The following ADCY9 variants were observed in gnomAD, a reference collection of about 807,000 sequenced individuals.
The protein encoded by ADCY9 is adenylate cyclase 9.
ADCY9 carries 50 observed loss-of-function variants against 101.5 expected under a neutral mutation model. That is an observed-to-expected ratio of 0.49 (90% CI 0.39 to 0.62). ADCY9 has a LOEUF of 0.62. Ranked by LOEUF, ADCY9 falls within the 20% of genes least tolerant of loss-of-function variation. The pLI, the probability that ADCY9 is intolerant of heterozygous loss-of-function variation, is 0.00. For synonymous variants in ADCY9, 905 were observed against 769.3 expected (o/e 1.18, Z -2.92); for missense variants, 1,662 against 1,800.4 (o/e 0.92, Z 1.39).
At chr16:4,100,755 A>AAG (rs2057037800) in intron 2 of ADCY9, among the ~76,000 whole-genome samples, 1 of 151,530 alleles carries the variant, frequency 6.6e-6, no homozygotes, top group Non-Finnish European at 1.5e-5. Context: ...AAAAAAAAAA[A>AAG]AAAGAAAAGA....
At chr16:3,994,363 T>C (rs558302083) in intron 3 of ADCY9, among the ~76,000 whole-genome samples, 1 of 152,300 alleles carries the variant, frequency 6.6e-6, no homozygotes, top group South Asian at 2.1e-4. Context: ...CTCTTTGGGA[T>C]GATAAAAATG....
chr16:4,023,388 G>A lies in ADCY9; in HGVS notation c.1694-15830C>T, dbSNP rs142052494. Among the ~76,000 whole-genome samples, 18 of 152,332 alleles carry A rather than the reference G, an allele frequency of 1.2e-4. No homozygotes were observed. The East Asian group carries it at 3.5e-3, about 29-fold the overall frequency. ...ATGCGGTTTGGACAGAGTCAGGGAC[G>A]TCCTTTCTGAAGAAATGAGACTGAA... On this transcript the variant is annotated intron_variant, in intron 2 of 10. Coordinates refer to ENST00000294016, the MANE Select transcript of ADCY9 (RefSeq NM_001116.4).
chr16:4,018,735 G>A (rs2056454934), intron 2 of ADCY9, among the ~76,000 whole-genome samples: 1 of 152,134 alleles, frequency 6.6e-6, no homozygotes, highest in South Asian at 2.1e-4. Flanking sequence ...CACACTGGCT[G>A]GGGCAGAGGC....
At chr16:3,977,859 G>C (rs2056106229) in intron 8 of ADCY9, among the ~76,000 whole-genome samples, 1 of 152,164 alleles carries the variant, frequency 6.6e-6, no homozygotes, top group South Asian at 2.1e-4. Context: ...TGGGATGACA[G>C]GCTCCCGGCA....
At chr16:3,983,587 T>G (rs2056164893) in intron 6 of ADCY9, 147 bp from the exon 7 acceptor site, 1 of 673,910 alleles carries the variant, frequency 1.5e-6, no homozygotes, top group Non-Finnish European at 2.6e-6. Context: ...GCTGTCTCCC[T>G]CTACTACCCC....
chr16:4,082,190 A>G (rs2141180265), intron 2 of ADCY9, among the ~76,000 whole-genome samples: 1 of 152,176 alleles, frequency 6.6e-6, no homozygotes, highest in South Asian at 2.1e-4. Flanking sequence ...AGCCTCGGCA[A>G]CATAGCGAGA....
chr16:4,011,209 C>T (rs1176352845), intron 2 of ADCY9, among the ~76,000 whole-genome samples: 3 of 152,134 alleles, frequency 2.0e-5, no homozygotes, highest in Non-Finnish European at 4.4e-5. Flanking sequence ...TCATGAAAGG[C>T]CCTCTACAGA....
At chr16:3,989,165 A>C in intron 5 of ADCY9, 69 bp from the exon 6 acceptor site, 1 of 1,213,240 alleles carries the variant, frequency 8.2e-7, no homozygotes, top group Non-Finnish European at 1.2e-6. Flanking sequence ...TTCAGATCAT[A>C]ATTAGCTACC....
chr16:3,970,832 G>A (rs1401689490), intron 10 of ADCY9, among the ~76,000 whole-genome samples: 2 of 152,190 alleles, frequency 1.3e-5, no homozygotes, highest in Non-Finnish European at 2.9e-5. Context: ...GGTAAGCCAT[G>A]CCATCTTTCT....
At chr16:3,980,921 G>C (rs1347903035) in intron 7 of ADCY9, among the ~76,000 whole-genome samples, 1 of 152,188 alleles carries the variant, frequency 6.6e-6, no homozygotes, top group Admixed American at 6.5e-5. Flanking sequence ...AGAGCAGAGA[G>C]GGTGATGCAG....
intron 5 of ADCY9, 149 bp downstream of exon 5, chr16:3,991,997 G>T: frequency 1.4e-6 from 1 of 715,840 alleles, no homozygotes; most frequent in Non-Finnish European, 2.3e-6. Flanking sequence ...TTTGAACCTG[G>T]GAGATAGAGG....
chr16:4,089,850 C>A (rs1381407819), intron 2 of ADCY9, among the ~76,000 whole-genome samples: 1 of 152,062 alleles, frequency 6.6e-6, no homozygotes, highest in Non-Finnish European at 1.5e-5. Flanking sequence ...CCACAGGGGA[C>A]CAGGGCACTT....
intron 10 of ADCY9, among the ~76,000 whole-genome samples, chr16:3,967,778 C>T (rs1330275751): frequency 1.3e-5 from 2 of 150,580 alleles, no homozygotes; most frequent in African/African-American, 4.9e-5. Flanking sequence ...GCTCACTGCA[C>T]CCTCTGCTTC....
In ADCY9 at chr16:4,115,704, G is replaced by A. The variant is rs2057146848; in HGVS notation, c.-58C>T. 2 of 428,426 alleles carry A rather than the reference G, an allele frequency of 4.7e-6. No homozygotes were observed. The highest frequency in any genetic ancestry group is 2.0e-5 in the African/African-American group (1 of 49,018). The allele number at this position is 428,426 out of a possible 1,614,324, so 26.5% of individuals were successfully genotyped here. ...TCGGGACGGACCTAGAACGCCCGGG[G>A]GTCCCCGCCGCGTGGCCGCCGTGGC... On this transcript the variant is annotated 5_prime_UTR_variant, in exon 1 of 11. Transcript: ENST00000294016. This position sits in a 1 kb window ranked among gnomAD's most constrained non-coding sequence, Gnocchi z 6.2.
At chr16:3,958,832 G>A (rs2055922690), downstream of ADCY9, among the ~76,000 whole-genome samples, 1 of 151,586 alleles carries the variant, frequency 6.6e-6, no homozygotes, top group South Asian at 2.1e-4. Context: ...CACTACGCCT[G>A]GCTGATTTGA....
At chr16:4,023,378 A>G (rs1234171934) in intron 2 of ADCY9, among the ~76,000 whole-genome samples, 1 of 152,242 alleles carries the variant, frequency 6.6e-6, no homozygotes. Flanking sequence ...GTTTGGACAG[A>G]GTCAGGGACG....
At chr16:4,062,135 A>G (rs2056777104) in intron 2 of ADCY9, among the ~76,000 whole-genome samples, 1 of 152,202 alleles carries the variant, frequency 6.6e-6, no homozygotes, top group Non-Finnish European at 1.5e-5. Flanking sequence ...CCTGGGCAAC[A>G]TGGCAAAACC....
At position 4,009,005 on chromosome 16, in the gene ADCY9, C is replaced by T. The variant is rs76445990; in HGVS notation, c.1694-1447G>A. ...GGTCAGCGCTTTAAAATTAATTAAT[C>T]AGAAACCTAGGGACTACTTCATCAA... On this transcript the variant is annotated intron_variant, in intron 2 of 10. Transcript: ENST00000294016. 7.0e-4 allele frequency among the ~76,000 whole-genome samples: 106 copies of T among 152,238 alleles called. No homozygotes were observed. The East Asian group carries it at 0.019, about 27-fold the overall frequency.
At chr16:4,035,900 G>A (rs1691452923) in intron 2 of ADCY9, among the ~76,000 whole-genome samples, 1 of 150,898 alleles carries the variant, frequency 6.6e-6, no homozygotes, top group Admixed American at 6.6e-5. Flanking sequence ...TTGGGAGGCT[G>A]AGGGTGGAGA....
Sources: allele counts gnomAD v4.1 joint callset (sites outside exome capture counted in the v4.1 genomes callset), GRCh38; gene constraint gnomAD v4.1.1; non-coding constraint Gnocchi (gnomAD v3.1); transcripts MANE v1.5; gene names NCBI Gene and HGNC (gene_info 2026-07-23, HGNC 2026-07-21).